The following PPFIA2 variants were observed in gnomAD, a reference collection of about 807,000 sequenced individuals.
PPFIA2 encodes the protein PPFI scaffold protein A2.
In PPFIA2, 46 loss-of-function variants were observed where a neutral mutation model predicts 175.5. The observed-to-expected ratio is 0.26, with a 90% CI of 0.21 to 0.34. The LOEUF (loss-of-function observed/expected upper bound fraction) is 0.34, where lower values mean the gene tolerates loss of function less well. Ranked by LOEUF, PPFIA2 falls within the 10% of genes least tolerant of loss-of-function variation. The probability of loss-of-function intolerance (pLI) is 1.00; values close to 1 mark genes in which losing one functional copy is unlikely to be tolerated. For missense variants in PPFIA2, 1,179 were observed against 1,506.1 expected (o/e 0.78, Z 3.60); for synonymous variants, 568 against 511.4 (o/e 1.11, Z -1.49).
chr12:81,336,674 T>C (rs189282552), intron 21 of PPFIA2, among the ~76,000 whole-genome samples: 2 of 152,314 alleles, frequency 1.3e-5, no homozygotes, highest in Admixed American at 1.3e-4. Context: ...ACTTAAGTCA[T>C]GTGTCTCTGC....
At chr12:81,510,749 A>T (rs1262094155) in intron 4 of PPFIA2, among the ~76,000 whole-genome samples, 1 of 152,110 alleles carries the variant, frequency 6.6e-6, no homozygotes, top group Non-Finnish European at 1.5e-5. Flanking sequence ...TAATATAGTG[A>T]TGTACTAGTT....
intron 16 of PPFIA2, among the ~76,000 whole-genome samples, chr12:81,355,146 C>T (rs1327458808): frequency 6.6e-6 from 1 of 152,146 alleles, no homozygotes. Context: ...CCACGGGCTA[C>T]AGAATGAATG....
At chr12:81,412,785 T>A (rs2044228550) in intron 7 of PPFIA2, among the ~76,000 whole-genome samples, 1 of 151,932 alleles carries the variant, frequency 6.6e-6, no homozygotes, top group Non-Finnish European at 1.5e-5. Flanking sequence ...AAATACTTAG[T>A]CAAATTTGAT....
intron 30 of PPFIA2, among the ~76,000 whole-genome samples, chr12:81,266,072 G>C (rs1280359783): frequency 6.6e-6 from 1 of 152,106 alleles, no homozygotes; most frequent in East Asian, 1.9e-4. Context: ...GGACAGAGTG[G>C]ATTTTATAAT....
At chr12:81,371,287 A>G (rs770604619) in intron 11 of PPFIA2, among the ~76,000 whole-genome samples, 18 of 120,732 alleles carry the variant, frequency 1.5e-4, no homozygotes, top group Non-Finnish European at 1.8e-4. Flanking sequence ...ATTTTATTAA[A>G]AATAAAAATT....
At chr12:81,732,717 G>A (rs999843144) in intron 3 of PPFIA2, among the ~76,000 whole-genome samples, 2 of 151,586 alleles carry the variant, frequency 1.3e-5, no homozygotes, top group African/African-American at 4.8e-5. Flanking sequence ...GATATGTTAA[G>A]TGAAAATGCA....
chr12:81,356,621 C>A (rs1389985274), intron 16 of PPFIA2, among the ~76,000 whole-genome samples: 1 of 151,984 alleles, frequency 6.6e-6, no homozygotes, highest in Admixed American at 6.6e-5. Flanking sequence ...CATGATCGTG[C>A]CACTGCACTC....
intron 4 of PPFIA2, among the ~76,000 whole-genome samples, chr12:81,622,011 A>T (rs1287558612): frequency 6.6e-6 from 1 of 152,330 alleles, no homozygotes; most frequent in East Asian, 1.9e-4. Context: ...AGACCAGAAA[A>T]ATAAGGAAGT....
At chr12:81,678,037 A>G (rs1261716904) in intron 3 of PPFIA2, among the ~76,000 whole-genome samples, 4 of 151,742 alleles carry the variant, frequency 2.6e-5, no homozygotes, top group African/African-American at 9.7e-5. Flanking sequence ...AAAAAACACA[A>G]CTCTCTGCTA....
chr12:81,485,778 T>C (rs1478346192), intron 4 of PPFIA2, among the ~76,000 whole-genome samples: 1 of 151,868 alleles, frequency 6.6e-6, no homozygotes, highest in African/African-American at 2.4e-5. Flanking sequence ...GATTGCAAAA[T>C]ATGAAAGTCT....
At chr12:81,519,797 TC>T (rs1197858110) in intron 4 of PPFIA2, among the ~76,000 whole-genome samples, 1 of 152,098 alleles carries the variant, frequency 6.6e-6, no homozygotes, top group Non-Finnish European at 1.5e-5. Flanking sequence ...TTATATACAG[TC>T]CCCCGTTATC....
chr12:81,325,793 G>T lies in PPFIA2; in HGVS notation c.2626C>A (p.Arg876=), dbSNP rs769237526. 1 of 1,611,826 alleles carries T rather than the reference G, an allele frequency of 6.2e-7. No homozygotes were observed. Among genetic ancestry groups the T allele is most frequent in the Non-Finnish European group, 8.5e-7 (1 of 1,178,482 alleles). ...GKLGTQAEKD[R]RLKKKHELLE... ...CAAACCTACTTTTTCTTTAGTCTTC[G>T]ATCCTTCTCAGCTTGAGTTCCGAGT... The change falls in exon 22 of 33, where the codon CGA becomes AGA. Residue 876 remains arginine (R), a synonymous_variant. Coordinates refer to ENST00000549396, the MANE Select transcript of PPFIA2 (RefSeq NM_003625.5).
chr12:81,281,088 C>T lies in PPFIA2; in HGVS notation c.3212+169G>A, dbSNP rs1197616469. ...CACATAGCTCTAAATTAGAAAGTCC[C>T]TGCAATTTGCTGGATGAAAACATTT... On this transcript the variant is annotated intron_variant, in intron 27 of 32. Transcript: ENST00000549396. Among the ~76,000 whole-genome samples the T allele has an allele frequency of 3.3e-5, 5 of 152,022 alleles. No homozygotes were observed. The East Asian group carries it at 9.6e-4, about 29-fold the overall frequency.
At chr12:81,441,330 C>G (rs140342537) in intron 6 of PPFIA2, among the ~76,000 whole-genome samples, 12 of 151,940 alleles carry the variant, frequency 7.9e-5, no homozygotes, top group Non-Finnish European at 1.6e-4. Context: ...GCATTTAATT[C>G]CTGAAATAGA....
chr12:81,422,294 G>A (rs2046419467), intron 7 of PPFIA2, among the ~76,000 whole-genome samples: 1 of 151,716 alleles, frequency 6.6e-6, no homozygotes, highest in African/African-American at 2.4e-5. Flanking sequence ...TGGACTTTAT[G>A]GAATGAAGAA....
At chr12:81,617,309 CCAG>C (rs2061506392) in intron 4 of PPFIA2, among the ~76,000 whole-genome samples, 3 of 152,200 alleles carry the variant, frequency 2.0e-5, no homozygotes, top group African/African-American at 7.2e-5. Context: ...AGATCCAGCT[CCAG>C]TGTCGCCTCT....
intron 8 of PPFIA2, among the ~76,000 whole-genome samples, chr12:81,389,203 T>C (rs946239064): frequency 1.3e-5 from 2 of 148,496 alleles, no homozygotes; most frequent in East Asian, 3.9e-4. Flanking sequence ...ATTATATATA[T>C]ATAATATTGA....
At chr12:81,412,770 T>C (rs979090185) in intron 7 of PPFIA2, among the ~76,000 whole-genome samples, 1 of 151,974 alleles carries the variant, frequency 6.6e-6, no homozygotes, top group Non-Finnish European at 1.5e-5. Flanking sequence ...TTGTATTTGT[T>C]TGTAAAATAC....
chr12:81,286,413 A>G (rs1381654063), intron 24 of PPFIA2, among the ~76,000 whole-genome samples: 2 of 151,948 alleles, frequency 1.3e-5, no homozygotes, highest in East Asian at 3.9e-4. Flanking sequence ...TTTATCTTTT[A>G]TACTATATTT....
Sources: allele counts gnomAD v4.1 joint callset (sites outside exome capture counted in the v4.1 genomes callset), GRCh38; gene constraint gnomAD v4.1.1; transcripts MANE v1.5; gene names NCBI Gene and HGNC (gene_info 2026-07-23, HGNC 2026-07-21).